Variants in PLCL2 observed in about 807,000 individuals in gnomAD.
The protein encoded by PLCL2 is phospholipase C like 2.
In PLCL2, 4 loss-of-function variants were observed where a neutral mutation model predicts 79.6. The observed-to-expected ratio is 0.05, with a 90% CI of 0.02 to 0.11. The LOEUF (loss-of-function observed/expected upper bound fraction) is 0.11, where lower values mean the gene tolerates loss of function less well. Among genes scored for constraint, PLCL2 ranks in the 10% least tolerant of loss-of-function variants. The pLI, the probability that PLCL2 is intolerant of heterozygous loss-of-function variation, is 1.00. For missense variants in PLCL2, 895 were observed against 1,291.0 expected, an observed-to-expected ratio of 0.69 and a Z score of 4.70; for synonymous variants, 484 against 457.7, an observed-to-expected ratio of 1.06 and a Z score of -0.73.
At chr3:16,940,493 G>C (rs1396673423) in intron 1 of PLCL2, among the ~76,000 whole-genome samples, 1 of 152,206 alleles carries the variant, frequency 6.6e-6, no homozygotes, top group Non-Finnish European at 1.5e-5. Context: ...CTGGGGGCTA[G>C]AGGGTGGAAG....
At chr3:16,972,446 A>G (rs956156488) in intron 1 of PLCL2, among the ~76,000 whole-genome samples, 2 of 152,156 alleles carry the variant, frequency 1.3e-5, no homozygotes, top group East Asian at 1.9e-4. Context: ...AGTACGTGCC[A>G]TGTGCAAATA....
At chr3:16,942,277 AC>A (rs1396870956) in intron 1 of PLCL2, among the ~76,000 whole-genome samples, 9 of 152,202 alleles carry the variant, frequency 5.9e-5, no homozygotes, top group South Asian at 2.1e-4. Context: ...TTCTGCAATT[AC>A]ATAGGCGAAA....
chr3:16,894,715 CT>C (rs1478900134), intron 1 of PLCL2, among the ~76,000 whole-genome samples: 6 of 151,806 alleles, frequency 4.0e-5, no homozygotes, highest in Non-Finnish European at 7.4e-5. Context: ...TGTTGAACAT[CT>C]TTTCATATGT....
chr3:17,055,644 T>C (rs2064884547), intron 4 of PLCL2, among the ~76,000 whole-genome samples: 1 of 152,202 alleles, frequency 6.6e-6, no homozygotes. Flanking sequence ...GGAATGCTTG[T>C]TGAAAATGCA....
At chr3:17,054,420 G>A (rs537088603) in intron 4 of PLCL2, among the ~76,000 whole-genome samples, 1 of 152,166 alleles carries the variant, frequency 6.6e-6, no homozygotes, top group Admixed American at 6.5e-5. Flanking sequence ...TCTCCAAACT[G>A]TTCCAACTTT....
intron 1 of PLCL2, among the ~76,000 whole-genome samples, chr3:16,993,823 T>G (rs1183591476): frequency 6.6e-6 from 1 of 152,206 alleles, no homozygotes; most frequent in Admixed American, 6.5e-5. Flanking sequence ...CTACGCAGTG[T>G]GTACTTTGTA....
chr3:17,000,226 A>C (rs185886844), intron 1 of PLCL2, among the ~76,000 whole-genome samples: 80 of 152,286 alleles, frequency 5.3e-4, no homozygotes, highest in African/African-American at 1.8e-3. Context: ...TATGTAGTAC[A>C]TTTGCAGGCT....
At chr3:16,953,233 T>G (rs1043622508) in intron 1 of PLCL2, among the ~76,000 whole-genome samples, 1 of 152,176 alleles carries the variant, frequency 6.6e-6, no homozygotes, top group Non-Finnish European at 1.5e-5. Context: ...ACATCACATG[T>G]AATGCATTAT....
chr3:16,981,446 A>G (rs2063996838), intron 1 of PLCL2, among the ~76,000 whole-genome samples: 1 of 152,200 alleles, frequency 6.6e-6, no homozygotes, highest in Non-Finnish European at 1.5e-5. Flanking sequence ...TTCACTGACT[A>G]GGAGAAATGT....
In PLCL2 at chr3:17,010,468, A is replaced by G; in HGVS notation, c.1122A>G (p.Ala374=). ...MMFLEAEQGV[A]HINEEISLEI... is the part of the protein sequence containing the mutation. ...TTCTTGAGGCAGAACAGGGTGTGGC[A>G]CATATAAATGAGGAAATAAGCCTTG... Residue 374 remains alanine, a synonymous_variant, in exon 2 of 6, where the codon GCA becomes GCG. Coordinates refer to ENST00000615277, the MANE Select transcript of PLCL2 (RefSeq NM_001144382.2). This position sits in a 1 kb window ranked among gnomAD's most constrained non-coding sequence, Gnocchi z 5.8. 3 of 1,614,126 alleles carry G rather than the reference A, an allele frequency of 1.9e-6. No homozygotes were observed. Among genetic ancestry groups the G allele is most frequent in the Non-Finnish European group, 2.5e-6 (3 of 1,180,012 alleles).
intron 4 of PLCL2, among the ~76,000 whole-genome samples, chr3:17,061,731 A>AT (rs147735211): frequency 0.01 from 1,541 of 152,288 alleles, 31 homozygotes; most frequent in African/African-American, 0.035. Flanking sequence ...GTAATTTTGT[A>AT]TGGCCATACC....
intron 1 of PLCL2, among the ~76,000 whole-genome samples, chr3:16,966,708 C>A (rs1424382941): frequency 6.6e-6 from 1 of 152,014 alleles, no homozygotes; most frequent in African/African-American, 2.4e-5. Context: ...TGTCATTGGT[C>A]TATTCAGAGA....
intron 1 of PLCL2, among the ~76,000 whole-genome samples, chr3:16,929,177 C>G (rs9310512): frequency 1 from 151,820 of 151,820 alleles, 75,910 homozygotes; most frequent in Non-Finnish European, 1. Flanking sequence ...AACTAGGAAA[C>G]CAAGGATCGT....
chr3:17,078,004 T>C (rs878950276), intron 5 of PLCL2, among the ~76,000 whole-genome samples: 1 of 152,234 alleles, frequency 6.6e-6, no homozygotes, highest in Admixed American at 6.5e-5. Flanking sequence ...GTTCTGGCCT[T>C]GGTCTGTTCT....
intron 5 of PLCL2, among the ~76,000 whole-genome samples, chr3:17,069,271 T>C (rs1257483296): frequency 6.6e-6 from 1 of 152,162 alleles, no homozygotes; most frequent in East Asian, 1.9e-4. Context: ...GGATAGTAAA[T>C]GATTCTCTTT....
intron 3 of PLCL2, among the ~76,000 whole-genome samples, chr3:17,023,489 A>G (rs1332655925): frequency 6.6e-6 from 1 of 152,176 alleles, no homozygotes; most frequent in Non-Finnish European, 1.5e-5. Context: ...AATAAGTCTC[A>G]TGAAACCTGA....
At chr3:16,899,477 G>A (rs1212356879) in intron 1 of PLCL2, among the ~76,000 whole-genome samples, 2 of 152,164 alleles carry the variant, frequency 1.3e-5, no homozygotes, top group Non-Finnish European at 2.9e-5. Context: ...ACTAGTTGGG[G>A]AGCTGGCCTG....
At chr3:17,030,756 C>G (rs527286165) in intron 3 of PLCL2, among the ~76,000 whole-genome samples, 4 of 152,300 alleles carry the variant, frequency 2.6e-5, no homozygotes, top group Non-Finnish European at 5.9e-5. Context: ...CTTTTCATTA[C>G]AGAGAAGTCT....
At chr3:17,027,489 A>C (rs897867615) in intron 3 of PLCL2, among the ~76,000 whole-genome samples, 1 of 152,178 alleles carries the variant, frequency 6.6e-6, no homozygotes, top group Non-Finnish European at 1.5e-5. Flanking sequence ...AGCAGCCTAC[A>C]ATGTTTACTG....
Sources: allele counts gnomAD v4.1 joint callset (sites outside exome capture counted in the v4.1 genomes callset), GRCh38; gene constraint gnomAD v4.1.1; non-coding constraint Gnocchi (gnomAD v3.1); transcripts MANE v1.5; gene names NCBI Gene and HGNC (gene_info 2026-07-23, HGNC 2026-07-21).